The following ANK3 variants were observed in gnomAD, a reference collection of about 807,000 sequenced individuals.
The protein encoded by ANK3 is ankyrin 3.
ANK3 carries 57 observed loss-of-function variants against 370.9 expected under a neutral mutation model. That is an observed-to-expected ratio of 0.15 (90% confidence interval 0.12 to 0.19). The LOEUF (loss-of-function observed/expected upper bound fraction) is 0.19, where lower values mean the gene tolerates loss of function less well. ANK3 is among the 10% of genes least tolerant of loss of function. ANK3 has a pLI of 1.00. For missense variants in ANK3, 4,439 were observed against 5,302.1 expected, an observed-to-expected ratio of 0.84 and a Z score of 5.06; for synonymous variants, 1,929 against 1,946.3, an observed-to-expected ratio of 0.99 and a Z score of 0.23.
chr10:60,263,812 G>C, intron 6 of ANK3, 23 bp downstream of exon 6: 2 of 1,612,668 alleles, frequency 1.2e-6, no homozygotes, highest in Non-Finnish European at 1.7e-6. Context: ...TTGCATGACA[G>C]GCCCGTGTCC....
intron 2 of ANK3, among the ~76,000 whole-genome samples, chr10:60,468,278 C>T (rs1280587371): frequency 6.6e-6 from 1 of 152,042 alleles, no homozygotes; most frequent in African/African-American, 2.4e-5. Flanking sequence ...GCCACCGTGC[C>T]CGGCCTAAAA....
At chr10:60,030,308 A>G (rs558758572) in intron 43 of ANK3, among the ~76,000 whole-genome samples, 2 of 151,506 alleles carry the variant, frequency 1.3e-5, no homozygotes, top group Admixed American at 6.6e-5. Flanking sequence ...ACGCCTGGCT[A>G]ATTTTTTGTA....
intron 26 of ANK3, chr10:60,111,599 A>G (rs1483509695): frequency 3.3e-6 from 1 of 299,234 alleles, no homozygotes; most frequent in Non-Finnish European, 6.7e-6. Flanking sequence ...TAATACATGA[A>G]TGTTTCTAGT....
chr10:60,405,764 G>A (rs2063442763), intron 2 of ANK3, among the ~76,000 whole-genome samples: 1 of 152,132 alleles, frequency 6.6e-6, no homozygotes, highest in Non-Finnish European at 1.5e-5. Flanking sequence ...ATAAATTAAT[G>A]AATGTATAGA....
intron 9 of ANK3, among the ~76,000 whole-genome samples, chr10:60,208,700 G>T (rs1591759931): frequency 6.6e-6 from 1 of 152,054 alleles, no homozygotes; most frequent in African/African-American, 2.4e-5. Context: ...AAAAATGAAG[G>T]TAAGAACAGT....
intron 5 of ANK3, among the ~76,000 whole-genome samples, chr10:60,267,875 T>G (rs1276957670): frequency 6.6e-6 from 1 of 152,218 alleles, no homozygotes; most frequent in Non-Finnish European, 1.5e-5. Context: ...GGTTTTCTCT[T>G]AACCAACAGT....
intron 1 of ANK3, among the ~76,000 whole-genome samples, chr10:60,337,375 A>T (rs1219103910): frequency 1.3e-5 from 2 of 151,948 alleles, no homozygotes; most frequent in Non-Finnish European, 2.9e-5. Context: ...CAAGCCCTAT[A>T]ATCTAAGTTC....
intron 2 of ANK3, among the ~76,000 whole-genome samples, chr10:60,548,716 A>G (rs1432664923): frequency 6.6e-6 from 1 of 152,142 alleles, no homozygotes; most frequent in Non-Finnish European, 1.5e-5. Context: ...CTAAAATACT[A>G]TAGTATAGGA....
At chr10:60,274,760 A>G (rs1474326085) in intron 4 of ANK3, among the ~76,000 whole-genome samples, 2 of 152,160 alleles carry the variant, frequency 1.3e-5, no homozygotes, top group Non-Finnish European at 2.9e-5. Context: ...ACTAATTCCA[A>G]TAAATTCCCT....
At chr10:60,038,998 A>T (rs761200702) in intron 43 of ANK3, among the ~76,000 whole-genome samples, 1 of 152,210 alleles carries the variant, frequency 6.6e-6, no homozygotes, top group African/African-American at 2.4e-5. Context: ...GTCTAAGTAC[A>T]TTCTTACATT....
chr10:60,578,433 C>T (rs1227698933), intron 2 of ANK3, among the ~76,000 whole-genome samples: 1 of 152,178 alleles, frequency 6.6e-6, no homozygotes, highest in East Asian at 1.9e-4. Flanking sequence ...ACTGATGAGT[C>T]ATTCCTTTGA....
At chr10:60,621,470 C>T (rs2078336359) in intron 1 of ANK3, among the ~76,000 whole-genome samples, 1 of 152,114 alleles carries the variant, frequency 6.6e-6, no homozygotes, top group Non-Finnish European at 1.5e-5. Flanking sequence ...TTCTCATTTA[C>T]AATATTTTTG....
intron 2 of ANK3, among the ~76,000 whole-genome samples, chr10:60,438,673 A>G (rs1334023324): frequency 6.6e-6 from 1 of 152,246 alleles, no homozygotes; most frequent in Non-Finnish European, 1.5e-5. Flanking sequence ...TGATCAGTAC[A>G]AAACCTCAAT....
intron 1 of ANK3, among the ~76,000 whole-genome samples, chr10:60,362,546 GGGTTTGGCCAAAA>G (rs1365703284): frequency 1.3e-5 from 2 of 152,146 alleles, no homozygotes; most frequent in African/African-American, 2.4e-5. Flanking sequence ...GAGCCTGCAG[GGGTTTGGCCAAAA>G]GCTCCCCATA....
chr10:60,256,306 G>T (rs1474939552), intron 7 of ANK3, among the ~76,000 whole-genome samples: 1 of 152,144 alleles, frequency 6.6e-6, no homozygotes. Flanking sequence ...TGGTAGAGTA[G>T]GTAACTCAAG....
At chr10:60,274,362 G>T (rs2098051616) in intron 4 of ANK3, among the ~76,000 whole-genome samples, 1 of 152,126 alleles carries the variant, frequency 6.6e-6, no homozygotes, top group Non-Finnish European at 1.5e-5. Flanking sequence ...GTCATTTGTA[G>T]TGCATGGGTG....
At chr10:60,302,517 G>T (rs767355535) in intron 1 of ANK3, among the ~76,000 whole-genome samples, 1 of 152,028 alleles carries the variant, frequency 6.6e-6, no homozygotes, top group African/African-American at 2.4e-5. Context: ...AGTTCTCACA[G>T]CTATGTTGTG....
rs529563272 is a variant in ANK3 at position 60,311,388 on chromosome 10, G to T, written c.115-31749C>A. On this transcript the variant is annotated intron_variant, in intron 1 of 43. Coordinates refer to ENST00000280772, the MANE Select transcript of ANK3 (RefSeq NM_020987.5). ...AACCACTGAAATGTAACCCTACTTT[G>T]CTACACTAAATACTAAATGATTAGT... 2.0e-4 allele frequency among the ~76,000 whole-genome samples: 30 copies of T among 150,142 alleles called. No individual in the cohort carries two copies. The South Asian group carries it at 4.8e-3, about 24-fold the overall frequency.
intron 2 of ANK3, among the ~76,000 whole-genome samples, chr10:60,600,954 AT>A (rs931980609): frequency 3.4e-4 from 52 of 152,306 alleles, no homozygotes; most frequent in African/African-American, 1.3e-3. Context: ...AACTAGAAAC[AT>A]ATTTGAAAAC....
Sources: gnomAD v4.1 joint callset for allele counts (sites outside exome capture counted in the v4.1 genomes callset) on GRCh38, gnomAD v4.1.1 for gene constraint, MANE v1.5 for transcripts, NCBI Gene and HGNC (gene_info 2026-07-23, HGNC 2026-07-21) for gene names.